The following DYNC1I1 variants were observed in gnomAD, a reference collection of about 807,000 sequenced individuals.
The protein encoded by DYNC1I1 is dynein cytoplasmic 1 intermediate chain 1, also known as cytoplasmic dynein 1 intermediate chain 1.
In DYNC1I1, 43 loss-of-function variants were observed where a neutral mutation model predicts 86.6. The observed-to-expected ratio is 0.50, with a 90% confidence interval of 0.39 to 0.64. The LOEUF (loss-of-function observed/expected upper bound fraction) is 0.64. Among genes scored for constraint, DYNC1I1 ranks in the 30% least tolerant of loss-of-function variants. The pLI is 0.00. For synonymous variants in DYNC1I1, 262 were observed against 283.7 expected, an observed-to-expected ratio of 0.92 and a Z score of 0.77; for missense variants, 604 against 788.8, an observed-to-expected ratio of 0.77 and a Z score of 2.81.
At position 95,873,307 on chromosome 7, in the gene DYNC1I1, A is replaced by T. The variant is rs569909586; in HGVS notation, c.490+3309A>T. The stretch of plus-strand genomic sequence containing the variant: ...GGGACATTTGTTTGATTTGCCATAG[A>T]CACTTGGGGCACCATTGGGTCAGCT... On this transcript the variant is annotated intron_variant, in intron 6 of 16. Transcript: ENST00000447467. Among the ~76,000 whole-genome samples the T allele has an allele frequency of 1.8e-4, 27 of 152,280 alleles. 1 individual carries two copies. Among genetic ancestry groups the T allele is most frequent in the African/African-American group, 6.5e-4 (27 of 41,556 alleles).
At chr7:95,965,504 T>C (rs1181271823) in intron 6 of DYNC1I1, among the ~76,000 whole-genome samples, 4 of 152,152 alleles carry the variant, frequency 2.6e-5, no homozygotes, top group African/African-American at 9.7e-5. Flanking sequence ...ATGTATAAAG[T>C]GTTTAAAGTA....
In DYNC1I1 at chr7:96,078,461, C is replaced by T. The variant is rs12670595; in HGVS notation, c.1651-1902C>T. Among the ~76,000 whole-genome samples the T allele has an allele frequency of 2.8e-3, 424 of 152,180 alleles. 2 individuals carry two copies. Among genetic ancestry groups the T allele is most frequent in the East Asian group, 0.025 (129 of 5,190 alleles). ...TTTTCTTCATGCATTTATGAATTTT[C>T]TAGCGCATAATATAGGCTGTGATCA... On this transcript the variant is annotated intron_variant, in intron 15 of 16. Transcript: ENST00000447467.
At chr7:96,010,030 C>T (rs1467438038) in intron 10 of DYNC1I1, among the ~76,000 whole-genome samples, 1 of 152,054 alleles carries the variant, frequency 6.6e-6, no homozygotes, top group African/African-American at 2.4e-5. Flanking sequence ...CCACCCGTCT[C>T]GGCCTCCCCA....
chr7:96,016,397 A>C lies in DYNC1I1; in HGVS notation c.970-11778A>C, dbSNP rs954179544. On this transcript the variant is annotated intron_variant, in intron 10 of 16. Transcript: ENST00000447467. ...GGCTAGTCCATGACTCTTTGGGTGG[A>C]TCCTCCAAATGTAGATTTATTTTAC... 3.3e-5 allele frequency among the ~76,000 whole-genome samples: 5 copies of C among 150,850 alleles called. No homozygotes were observed. The South Asian group carries it at 1.0e-3, about 32-fold the overall frequency.
chr7:95,787,461 A>G (rs557261341), intron 1 of DYNC1I1, among the ~76,000 whole-genome samples: 1 of 152,292 alleles, frequency 6.6e-6, no homozygotes, highest in South Asian at 2.1e-4. Context: ...GGGCACCAAA[A>G]CAAAGCAAAA....
intron 12 of DYNC1I1, 31 bp downstream of exon 12, chr7:96,032,811 A>G (rs1794844352): frequency 3.9e-6 from 6 of 1,558,220 alleles, no homozygotes; most frequent in Middle Eastern, 3.3e-4. Context: ...ACATAACACC[A>G]TCCTGGTTAA....
At position 95,984,931 on chromosome 7, in the gene DYNC1I1, G is replaced by A. The variant is rs750340243; in HGVS notation, c.697G>A (p.Asp233Asn). 1.1e-5 allele frequency: 18 copies of A among 1,613,494 alleles called. No homozygotes were observed. The highest frequency in any genetic ancestry group is 4.4e-5 in the South Asian group (4 of 90,952). Residue 233 changes from aspartate to asparagine, a missense_variant, in exon 8 of 17, where the codon GAC (aspartate) becomes AAC (asparagine). Coordinates refer to ENST00000447467, the MANE Select transcript of DYNC1I1 (RefSeq NM_001135556.2). ...VIERALAEDS[D>N]IFFDYSGREL... is the part of the protein sequence containing the mutation. ...TGAAAGAGCCCTGGCTGAAGATTCCGACATCTTTTTTGACTACAGCGGCCG... is the reference window on the plus strand; with the variant it reads ...TGAAAGAGCCCTGGCTGAAGATTCCAACATCTTTTTTGACTACAGCGGCCG...
intron 1 of DYNC1I1, among the ~76,000 whole-genome samples, chr7:95,798,879 T>C (rs1794509676): frequency 6.6e-6 from 1 of 152,142 alleles, no homozygotes; most frequent in Non-Finnish European, 1.5e-5. Context: ...ATGAAGGTGA[T>C]AGAGCTCATT....
chr7:95,783,437 A>G (rs1250412502), intron 1 of DYNC1I1, among the ~76,000 whole-genome samples: 1 of 152,198 alleles, frequency 6.6e-6, no homozygotes, highest in Non-Finnish European at 1.5e-5. Flanking sequence ...AAAAAGTTAC[A>G]GATCGTAGGG....
chr7:96,104,803 G>GT, intron 16 of DYNC1I1, among the ~76,000 whole-genome samples: 1 of 151,986 alleles, frequency 6.6e-6, no homozygotes, highest in Non-Finnish European at 1.5e-5. Flanking sequence ...ATCAAGTGGC[G>GT]TAAGTACTCC....
chr7:95,919,761 A>G (rs950899396), intron 6 of DYNC1I1, among the ~76,000 whole-genome samples: 2 of 152,226 alleles, frequency 1.3e-5, no homozygotes, highest in African/African-American at 4.8e-5. Context: ...TGAGAACAGG[A>G]AAGATGTATT....
intron 16 of DYNC1I1, among the ~76,000 whole-genome samples, chr7:96,107,818 G>A (rs375681414): frequency 2.7e-5 from 4 of 150,326 alleles, no homozygotes; most frequent in East Asian, 3.9e-4. Context: ...GAGCCACCAC[G>A]CCCGGCCTTC....
chr7:96,104,078 T>A (rs1263563904), intron 16 of DYNC1I1, among the ~76,000 whole-genome samples: 2 of 152,352 alleles, frequency 1.3e-5, no homozygotes, highest in East Asian at 3.8e-4. Flanking sequence ...ATTGGCCACA[T>A]TTAATATATT....
intron 14 of DYNC1I1, among the ~76,000 whole-genome samples, chr7:96,059,476 A>G (rs965902441): frequency 2.6e-5 from 4 of 152,200 alleles, no homozygotes; most frequent in African/African-American, 9.6e-5. Context: ...TTGCTTATTC[A>G]TGAATGATCT....
intron 10 of DYNC1I1, among the ~76,000 whole-genome samples, chr7:96,010,641 A>G (rs1794253784): frequency 6.6e-6 from 1 of 152,198 alleles, no homozygotes; most frequent in Admixed American, 6.5e-5. Flanking sequence ...AAGCCCAGCT[A>G]GAGGGTGGTT....
intron 6 of DYNC1I1, among the ~76,000 whole-genome samples, chr7:95,958,228 G>GA (rs1792770749): frequency 6.6e-6 from 1 of 152,148 alleles, no homozygotes; most frequent in African/African-American, 2.4e-5. Flanking sequence ...TTATTTCTCA[G>GA]AAAAATCTAG....
At chr7:96,103,010 G>C (rs966464327), downstream of DYNC1I1, among the ~76,000 whole-genome samples, 1 of 152,214 alleles carries the variant, frequency 6.6e-6, no homozygotes, top group East Asian at 1.9e-4. Context: ...CTGTGCATTG[G>C]GATGTACAGA....
intron 1 of DYNC1I1, among the ~76,000 whole-genome samples, chr7:95,794,904 A>T (rs566498758): frequency 6.6e-6 from 1 of 152,342 alleles, no homozygotes; most frequent in South Asian, 2.1e-4. Context: ...TAGAAAAATC[A>T]ACATAATGTT....
At chr7:95,983,769 G>A (rs1793515047) in intron 7 of DYNC1I1, among the ~76,000 whole-genome samples, 1 of 152,164 alleles carries the variant, frequency 6.6e-6, no homozygotes, top group African/African-American at 2.4e-5. Flanking sequence ...CTGTAGGTGA[G>A]TGATTCCACC....
Sources: allele counts gnomAD v4.1 joint callset (sites outside exome capture counted in the v4.1 genomes callset), GRCh38; gene constraint gnomAD v4.1.1; transcripts MANE v1.5; gene names NCBI Gene and HGNC (gene_info 2026-07-23, HGNC 2026-07-21).